KIF18A: variants seen among roughly 807,000 people sequenced by gnomAD.
The protein encoded by KIF18A is kinesin-like protein KIF18A.
A neutral mutation model predicts 103.3 loss-of-function variants in KIF18A; 67 were observed. The ratio of observed to expected loss-of-function variants is 0.65; its 90% CI spans 0.53 to 0.79. The LOEUF (loss-of-function observed/expected upper bound fraction) is 0.79, where lower values mean the gene tolerates loss of function less well. Among genes scored for constraint, KIF18A ranks in the 30% least tolerant of loss-of-function variants. KIF18A has a pLI of 0.00. For synonymous variants in KIF18A, 367 were observed against 355.5 expected, an observed-to-expected ratio of 1.03 and a Z score of -0.36; for missense variants, 1,032 against 1,062.5, an observed-to-expected ratio of 0.97 and a Z score of 0.40.
intron 15 of KIF18A, among the ~76,000 whole-genome samples, chr11:28,027,655 A>T (rs1264459505): frequency 6.6e-6 from 1 of 151,956 alleles, no homozygotes; most frequent in Non-Finnish European, 1.5e-5. Flanking sequence ...TTCAGAAAAA[A>T]TTCCAAAACC....
intron 13 of KIF18A, among the ~76,000 whole-genome samples, chr11:28,040,435 T>C (rs943613481): frequency 1.3e-4 from 20 of 151,742 alleles, no homozygotes; most frequent in Non-Finnish European, 7.4e-5. Context: ...ATTCCATAAT[T>C]CTTGTGCTTA....
chr11:28,032,361 A>T (rs1462104977), intron 15 of KIF18A, among the ~76,000 whole-genome samples: 1 of 151,942 alleles, frequency 6.6e-6, no homozygotes, highest in Non-Finnish European at 1.5e-5. Flanking sequence ...GAAATAGAAA[A>T]AACAATCCTA....
chr11:28,066,129 A>G (rs1185579732), intron 11 of KIF18A, among the ~76,000 whole-genome samples: 14 of 152,034 alleles, frequency 9.2e-5, no homozygotes, highest in Admixed American at 9.2e-4. Context: ...GTTTAATACT[A>G]ACCAAAAGAC....
At chr11:28,063,711 T>A (rs1315713856) in intron 11 of KIF18A, among the ~76,000 whole-genome samples, 1 of 152,012 alleles carries the variant, frequency 6.6e-6, no homozygotes, top group Non-Finnish European at 1.5e-5. Flanking sequence ...TTAAATTCTT[T>A]GGACATTTTG....
chr11:28,048,378 CAGG>C (rs1565075538), intron 13 of KIF18A, among the ~76,000 whole-genome samples: 6 of 152,106 alleles, frequency 3.9e-5, no homozygotes, highest in Non-Finnish European at 8.8e-5. Context: ...TGTTAATTAG[CAGG>C]AGATTAGGCA....
rs555826411 is a variant in KIF18A, at chr11:28,097,888, C to T, written c.60G>A (p.Pro20=). The change falls in exon 2 of 17, where the codon CCG becomes CCA. Residue 20 remains proline, a synonymous_variant. Transcript: ENST00000263181. ...HHMKVVVRVR[P]ENTKEKAAGF... ...CAGCTGCTTTTTCTTTAGTGTTTTC[C>T]GGACGTACACGAACTACTACTTTCA... The T allele has an allele frequency of 1.4e-5, 22 of 1,608,636 alleles. No individual in the cohort carries two copies. Among genetic ancestry groups the T allele is most frequent in the Middle Eastern group, 1.7e-4 (1 of 6,028 alleles).
chr11:28,088,789 C>T (rs1312042822), intron 5 of KIF18A, 68 bp from the exon 6 acceptor site: 3 of 1,168,712 alleles, frequency 2.6e-6, no homozygotes, highest in South Asian at 2.7e-5. Context: ...GAAATATATA[C>T]TTTAATAGAG....
At chr11:28,077,327 T>C (rs1205660161) in intron 9 of KIF18A, among the ~76,000 whole-genome samples, 158 bp from the exon 10 acceptor site, 4 of 152,202 alleles carry the variant, frequency 2.6e-5, no homozygotes, top group African/African-American at 7.2e-5. Context: ...TTTCCTATTA[T>C]AAAAAATGTT....
At chr11:28,077,514 GT>G (rs1354514718) in intron 9 of KIF18A, among the ~76,000 whole-genome samples, 1 of 152,016 alleles carries the variant, frequency 6.6e-6, no homozygotes, top group Non-Finnish European at 1.5e-5. Context: ...AATAATTTTT[GT>G]TTGTTGGAAA....
chr11:28,061,169 C>T (rs1171234633), intron 12 of KIF18A, among the ~76,000 whole-genome samples: 1 of 152,088 alleles, frequency 6.6e-6, no homozygotes, highest in Non-Finnish European at 1.5e-5. Flanking sequence ...TATGTTTAAT[C>T]TTTTCAAAAA....
chr11:28,100,385 T>C lies in KIF18A; in HGVS notation c.-46-2392A>G, dbSNP rs566509668. 4.5e-4 allele frequency among the ~76,000 whole-genome samples: 69 copies of C among 152,214 alleles called. No homozygotes were observed. The South Asian group carries it at 0.014, about 32-fold the overall frequency. On this transcript the variant is annotated intron_variant, in intron 1 of 16. Coordinates refer to ENST00000263181, the MANE Select transcript of KIF18A (RefSeq NM_031217.4). ...GGAAACAGCGATCTATTGTGTTAAA[T>C]ACTGCTAATAGGTCAAGTACTTACT... is the stretch of plus-strand genomic sequence containing the variant.
chr11:28,100,302 C>T (rs1851428504), intron 1 of KIF18A, among the ~76,000 whole-genome samples: 1 of 151,614 alleles, frequency 6.6e-6, no homozygotes, highest in South Asian at 2.1e-4. Context: ...TAAAGGCTGT[C>T]CTCAGTCTTA....
intron 1 of KIF18A, among the ~76,000 whole-genome samples, chr11:28,104,262 CTCA>C (rs1851479555): frequency 6.6e-6 from 1 of 152,170 alleles, no homozygotes; most frequent in Non-Finnish European, 1.5e-5. Context: ...CCAATGACTT[CTCA>C]TCATAAGAAT....
chr11:28,042,566 G>A (rs1271563196), intron 13 of KIF18A, among the ~76,000 whole-genome samples: 1 of 151,914 alleles, frequency 6.6e-6, no homozygotes, highest in Non-Finnish European at 1.5e-5. Context: ...TAATGAATGA[G>A]TTTTGATAAA....
chr11:28,097,725 C>G lies in KIF18A; in HGVS notation c.223G>C (p.Val75Leu), dbSNP rs1851392724. Residue 75 changes from valine to leucine, a missense_variant, in exon 2 of 17, where the codon GTA becomes CTA. Physicochemically the swap from Val to Leu is conservative, Grantham distance 32. Transcript: ENST00000263181. Reference protein sequence around the residue: ...IKKQNKDLKFVFDAVFDETST... With the variant: ...IKKQNKDLKFLFDAVFDETST... Reference sequence around the variant, plus strand: ...GTTTCATCAAAAACAGCATCAAATACAAATTTAAGATCCTTATTTTGTTTC... The same window carrying G: ...GTTTCATCAAAAACAGCATCAAATAGAAATTTAAGATCCTTATTTTGTTTC... 1 of 1,610,932 alleles carries G rather than the reference C, an allele frequency of 6.2e-7. No individual in the cohort carries two copies. Among genetic ancestry groups the G allele is most frequent in the Non-Finnish European group, 8.5e-7 (1 of 1,177,672 alleles).
At chr11:28,046,009 A>C (rs1850627997) in intron 13 of KIF18A, among the ~76,000 whole-genome samples, 1 of 151,612 alleles carries the variant, frequency 6.6e-6, no homozygotes, top group African/African-American at 2.4e-5. Context: ...ATCTCACACC[A>C]GTTAGAATGG....
At chr11:28,094,116 T>C (rs1285200316) in intron 3 of KIF18A, among the ~76,000 whole-genome samples, 1 of 152,126 alleles carries the variant, frequency 6.6e-6, no homozygotes, top group African/African-American at 2.4e-5. Flanking sequence ...AGGATTTTTA[T>C]GGCAGTGTTA....
At chr11:28,056,041 T>C (rs1488877797) in intron 13 of KIF18A, among the ~76,000 whole-genome samples, 1 of 152,048 alleles carries the variant, frequency 6.6e-6, no homozygotes, top group Non-Finnish European at 1.5e-5. Context: ...TTTAATAATC[T>C]CTAGATTACT....
intron 3 of KIF18A, among the ~76,000 whole-genome samples, chr11:28,094,263 T>C (rs1851338647): frequency 6.6e-6 from 1 of 152,206 alleles, no homozygotes; most frequent in Non-Finnish European, 1.5e-5. Context: ...GTATCATTGC[T>C]AATTTCCTGA....
Sources: allele counts gnomAD v4.1 joint callset (sites outside exome capture counted in the v4.1 genomes callset), GRCh38; gene constraint gnomAD v4.1.1; transcripts MANE v1.5; gene names NCBI Gene and HGNC (gene_info 2026-07-23, HGNC 2026-07-21).